PCP4: variants seen among roughly 807,000 people sequenced by gnomAD.
PCP4 encodes Purkinje cell protein 4.
In PCP4, 8 loss-of-function variants were observed where a neutral mutation model predicts 10.0. The ratio of observed to expected loss-of-function variants is 0.80; its 90% CI spans 0.47 to 1.45. PCP4 has a LOEUF of 1.45. PCP4 is among the 40% of genes most tolerant of loss of function. The pLI is 0.00. For missense variants in PCP4, 54 were observed against 74.4 expected (o/e 0.73, Z 1.01); for synonymous variants, 21 against 23.0 (o/e 0.91, Z 0.24).
chr21:39,926,690 A>G (rs761753088), intron 2 of PCP4, among the ~76,000 whole-genome samples: 2 of 152,234 alleles, frequency 1.3e-5, no homozygotes, highest in African/African-American at 2.4e-5. Context: ...AGCCATTTGC[A>G]TTCTGGGTTT....
chr21:39,871,705 C>A (rs1190633389), intron 1 of PCP4, among the ~76,000 whole-genome samples: 3 of 152,156 alleles, frequency 2.0e-5, no homozygotes, highest in Non-Finnish European at 4.4e-5. Flanking sequence ...CAAAATTAAG[C>A]AGGAATATGT....
At chr21:39,870,755 C>T (rs2087315716) in intron 1 of PCP4, among the ~76,000 whole-genome samples, 1 of 152,172 alleles carries the variant, frequency 6.6e-6, no homozygotes, top group East Asian at 1.9e-4. Context: ...CGTTCCAGGT[C>T]ACGTAATCAA....
intron 1 of PCP4, among the ~76,000 whole-genome samples, chr21:39,894,993 A>G (rs763115390): frequency 2.2e-4 from 34 of 152,030 alleles, no homozygotes; most frequent in Non-Finnish European, 4.7e-4. Flanking sequence ...TTGACCATCA[A>G]CCCATCTACC....
chr21:39,914,658 G>T (rs2087560090), intron 2 of PCP4, among the ~76,000 whole-genome samples: 1 of 152,044 alleles, frequency 6.6e-6, no homozygotes, highest in South Asian at 2.1e-4. Context: ...AAACTCAGTG[G>T]GTTCAAGTGA....
chr21:39,872,241 C>T (rs1287215277), intron 1 of PCP4, among the ~76,000 whole-genome samples: 10 of 152,168 alleles, frequency 6.6e-5, no homozygotes, highest in South Asian at 2.1e-4. Context: ...TCAGGTGATC[C>T]GCCCGCCTTG....
chr21:39,875,676 T>C (rs978801620), intron 1 of PCP4, among the ~76,000 whole-genome samples: 1 of 152,222 alleles, frequency 6.6e-6, no homozygotes. Flanking sequence ...TCAATCTTCC[T>C]GCAGATCCAT....
At position 39,929,026 on chromosome 21, in the gene PCP4, A is replaced by G. The variant is rs777175019; in HGVS notation, c.104A>G (p.Asp35Gly). Residue 35 changes from aspartate to glycine, a missense_variant, in exon 3 of 3, where the codon GAT becomes GGT. Physicochemically the swap from Asp to Gly is moderately conservative, Grantham distance 94 (BLOSUM62 -1). Coordinates refer to ENST00000328619, the MANE Select transcript of PCP4 (RefSeq NM_006198.3). ...CAAGAAGAATTTGACATTGACATGG[A>G]TGCACCAGAGACAGAACGTGCAGCG... ...KVQEEFDIDM[D>G]APETERAAVA... 1.2e-6 allele frequency: 2 copies of G among 1,613,228 alleles called. No homozygotes were observed. Among genetic ancestry groups the G allele is most frequent in the Non-Finnish European group, 1.7e-6 (2 of 1,179,518 alleles).
Position 39,867,548 on chromosome 21 carries a change from G to A in PCP4, c.9+38G>A, listed in dbSNP as rs758812031. The A allele has an allele frequency of 2.5e-6, 4 of 1,606,588 alleles. No homozygotes were observed. The East Asian group carries it at 6.7e-5, about 27-fold the overall frequency. Reference sequence around the variant, plus strand: ...TCGACCTGGAGAGGGAAACTTAGGAGTGAGAAGGGACCTCGGCTGAAGGAT... The same window carrying A: ...TCGACCTGGAGAGGGAAACTTAGGAATGAGAAGGGACCTCGGCTGAAGGAT... On this transcript the variant is annotated intron_variant, in intron 1 of 2. Transcript: ENST00000328619.
Position 39,929,279 on chromosome 21 carries a change from A to G in PCP4, c.*168A>G. The G allele has an allele frequency of 1.8e-6, 1 of 560,488 alleles. No homozygotes were observed. Among genetic ancestry groups the G allele is most frequent in the Non-Finnish European group, 3.1e-6 (1 of 325,444 alleles). 34.7% of individuals were successfully genotyped at this position (560,488 alleles called of 1,614,324 possible). Reference sequence around the variant, plus strand: ...CCTGTGATATTTATACCCTTGTAGGAAGGTATAGACAATGGAATTGTGAGT... The same window carrying G: ...CCTGTGATATTTATACCCTTGTAGGGAGGTATAGACAATGGAATTGTGAGT... On this transcript the variant is annotated 3_prime_UTR_variant, in exon 3 of 3. Coordinates refer to ENST00000328619, the MANE Select transcript of PCP4 (RefSeq NM_006198.3).
intron 2 of PCP4, among the ~76,000 whole-genome samples, chr21:39,908,703 C>G (rs576357039): frequency 2.0e-5 from 3 of 152,204 alleles, no homozygotes; most frequent in South Asian, 4.1e-4. Flanking sequence ...TGGGAGTGCC[C>G]GCGGCTCCAG....
intron 2 of PCP4, among the ~76,000 whole-genome samples, chr21:39,925,622 C>T (rs1441575180): frequency 1.3e-5 from 2 of 152,148 alleles, no homozygotes; most frequent in African/African-American, 4.8e-5. Context: ...GTGTGGCGTG[C>T]CCCTAGGGGA....
intron 2 of PCP4, among the ~76,000 whole-genome samples, chr21:39,922,825 TGA>T (rs1455732228): frequency 6.6e-6 from 1 of 152,204 alleles, no homozygotes; most frequent in Non-Finnish European, 1.5e-5. Flanking sequence ...TCACTTCCTT[TGA>T]GGTGAGATCT....
At chr21:39,912,164 T>C (rs2146345119) in intron 2 of PCP4, among the ~76,000 whole-genome samples, 1 of 152,352 alleles carries the variant, frequency 6.6e-6, no homozygotes, top group Non-Finnish European at 1.5e-5. Flanking sequence ...GACATCAGCC[T>C]CTGTTAATGC....
rs751471488 is a variant in PCP4, at chr21:39,929,120, C to T, written c.*9C>T. On this transcript the variant is annotated 3_prime_UTR_variant, in exon 3 of 3. Coordinates refer to ENST00000328619, the MANE Select transcript of PCP4 (RefSeq NM_006198.3). Reference sequence around the variant, plus strand: ...CTGGGTCTCAGTCCTAGTGGGAGAACCCCCTCCTAGTCCACCTGAAAACAC... The same window carrying T: ...CTGGGTCTCAGTCCTAGTGGGAGAATCCCCTCCTAGTCCACCTGAAAACAC... 1.2e-6 allele frequency: 2 copies of T among 1,608,248 alleles called. No individual in the cohort carries two copies. The highest frequency in any genetic ancestry group is 2.2e-5 in the East Asian group (1 of 44,726).
chr21:39,925,099 C>T (rs1440442521), intron 2 of PCP4, among the ~76,000 whole-genome samples: 8 of 152,210 alleles, frequency 5.3e-5, no homozygotes, highest in Non-Finnish European at 1.0e-4. Context: ...AGGCTTTCCC[C>T]CATGAAACAG....
In PCP4 at chr21:39,910,488, T is replaced by C. The variant is rs144256475; in HGVS notation, c.61+11961T>C. Among the ~76,000 whole-genome samples the C allele has an allele frequency of 2.7e-3, 401 of 151,320 alleles. 2 individuals are homozygous for C. Among genetic ancestry groups the C allele is most frequent in the African/African-American group, 8.9e-3 (368 of 41,228 alleles). ...CCCACCAGTCCATTAAAAAAAAAAG[T>C]GTTTTTATAGTGAGCTTTGAAAATG... On this transcript the variant is annotated intron_variant, in intron 2 of 2. Transcript: ENST00000328619.
chr21:39,882,766 G>A (rs551775555), intron 1 of PCP4, among the ~76,000 whole-genome samples: 1 of 152,174 alleles, frequency 6.6e-6, no homozygotes, highest in Non-Finnish European at 1.5e-5. Flanking sequence ...TGAGTTACAG[G>A]CAGGGCTCAG....
At chr21:39,873,327 A>C (rs1186533811) in intron 1 of PCP4, among the ~76,000 whole-genome samples, 2 of 152,198 alleles carry the variant, frequency 1.3e-5, no homozygotes, top group African/African-American at 4.8e-5. Flanking sequence ...AACATCTAGC[A>C]CGCGGAAAGC....
intron 2 of PCP4, among the ~76,000 whole-genome samples, chr21:39,902,829 G>A (rs1180515670): frequency 6.6e-6 from 1 of 152,074 alleles, no homozygotes; most frequent in African/African-American, 2.4e-5. Context: ...GATTAGTTAA[G>A]CCACAGATTT....
Sources: gnomAD v4.1 joint callset for allele counts (sites outside exome capture counted in the v4.1 genomes callset) on GRCh38, gnomAD v4.1.1 for gene constraint, MANE v1.5 for transcripts, NCBI Gene and HGNC (gene_info 2026-07-23, HGNC 2026-07-21) for gene names.